The following RUNDC3B variants were observed in gnomAD, a reference collection of about 807,000 sequenced individuals.
RUNDC3B encodes the protein RUN domain-containing protein 3B.
RUNDC3B carries 33 observed loss-of-function variants against 58.4 expected under a neutral mutation model. That is an observed-to-expected ratio of 0.56 (90% CI 0.43 to 0.75). The LOEUF is 0.75. RUNDC3B is among the 30% of genes least tolerant of loss of function. The probability of loss-of-function intolerance (pLI) is 0.00; values close to 1 mark genes in which losing one functional copy is unlikely to be tolerated. For missense variants in RUNDC3B, 501 were observed against 535.7 expected, an observed-to-expected ratio of 0.94 and a Z score of 0.64; for synonymous variants, 193 against 195.2, an observed-to-expected ratio of 0.99 and a Z score of 0.10.
intron 4 of RUNDC3B, among the ~76,000 whole-genome samples, chr7:87,714,667 G>T (rs1830385517): frequency 6.6e-6 from 1 of 152,090 alleles, no homozygotes; most frequent in Non-Finnish European, 1.5e-5. Context: ...GGTTAGACGA[G>T]AAATTCTCAG....
At chr7:87,761,755 C>T (rs1833697200) in intron 6 of RUNDC3B, among the ~76,000 whole-genome samples, 1 of 151,778 alleles carries the variant, frequency 6.6e-6, no homozygotes, top group Non-Finnish European at 1.5e-5. Flanking sequence ...CAAAAGTACA[C>T]TTTGTGTTTT....
At chr7:87,713,090 G>T (rs1436422167) in intron 4 of RUNDC3B, 2 of 152,046 alleles carry the variant, frequency 1.3e-5, no homozygotes, top group African/African-American at 4.8e-5. Context: ...CAAACTTCTA[G>T]TCAAGACAAA....
intron 10 of RUNDC3B, among the ~76,000 whole-genome samples, chr7:87,829,644 T>G (rs746398294): frequency 6.6e-6 from 1 of 152,056 alleles, no homozygotes; most frequent in Non-Finnish European, 1.5e-5. Flanking sequence ...TTAAGATTGC[T>G]TTGGTATTTG....
chr7:87,699,395 T>C (rs2130686552), intron 2 of RUNDC3B, among the ~76,000 whole-genome samples: 1 of 152,168 alleles, frequency 6.6e-6, no homozygotes, highest in African/African-American at 2.4e-5. Context: ...AGACTAATAT[T>C]CAGAGTCCTG....
chr7:87,782,693 T>A (rs1457104904), intron 8 of RUNDC3B, among the ~76,000 whole-genome samples: 1 of 152,182 alleles, frequency 6.6e-6, no homozygotes, highest in African/African-American at 2.4e-5. Flanking sequence ...AAAGAATTTT[T>A]AAATTTCTGT....
intron 3 of RUNDC3B, among the ~76,000 whole-genome samples, chr7:87,703,571 T>C (rs946258719): frequency 6.6e-6 from 1 of 152,200 alleles, no homozygotes; most frequent in Non-Finnish European, 1.5e-5. Context: ...CCTGCTTCAA[T>C]ATCTTTCAAC....
intron 6 of RUNDC3B, among the ~76,000 whole-genome samples, chr7:87,757,857 C>A (rs1001230057): frequency 2.0e-5 from 3 of 152,084 alleles, no homozygotes; most frequent in African/African-American, 7.2e-5. Flanking sequence ...ATCCATGCAT[C>A]TATAGTAAAC....
chr7:87,742,800 G>A (rs770245895), intron 6 of RUNDC3B, among the ~76,000 whole-genome samples: 21 of 152,136 alleles, frequency 1.4e-4, no homozygotes, highest in Middle Eastern at 3.4e-3. Context: ...CATCCCCAGG[G>A]TGGAATATAA....
intron 3 of RUNDC3B, chr7:87,709,554 T>A (rs982660055): frequency 6.2e-5 from 61 of 980,868 alleles, no homozygotes; most frequent in Non-Finnish European, 7.1e-5. Flanking sequence ...TCATTCATTT[T>A]CTTCCCAGTA....
intron 4 of RUNDC3B, among the ~76,000 whole-genome samples, chr7:87,728,612 T>C (rs1298641822): frequency 1.3e-5 from 2 of 152,208 alleles, no homozygotes; most frequent in Non-Finnish European, 2.9e-5. Flanking sequence ...TCTCTGAGGC[T>C]GATCCTCTCA....
intron 8 of RUNDC3B, among the ~76,000 whole-genome samples, chr7:87,782,601 C>T (rs1834992179): frequency 6.6e-6 from 1 of 152,032 alleles, no homozygotes; most frequent in Non-Finnish European, 1.5e-5. Context: ...TTGATGTAAA[C>T]ATTTAGTGAT....
At chr7:87,770,777 A>T (rs1361587766) in intron 7 of RUNDC3B, 28 bp downstream of exon 7, 1 of 1,525,546 alleles carries the variant, frequency 6.6e-7, no homozygotes, top group Non-Finnish European at 9.0e-7. Flanking sequence ...AAACGTACTT[A>T]ATTTTATTCT....
intron 6 of RUNDC3B, among the ~76,000 whole-genome samples, chr7:87,760,661 G>A (rs1477277553): frequency 6.6e-6 from 1 of 151,920 alleles, no homozygotes; most frequent in Non-Finnish European, 1.5e-5. Flanking sequence ...TTAAAATTCT[G>A]GAAATAAACC....
At chr7:87,783,324 C>T (rs1835039839) in intron 8 of RUNDC3B, among the ~76,000 whole-genome samples, 1 of 151,936 alleles carries the variant, frequency 6.6e-6, no homozygotes, top group Non-Finnish European at 1.5e-5. Context: ...GAATAGGACC[C>T]CCTGCTCTTT....
chr7:87,742,619 G>GATAGATAT (rs1031027066), intron 6 of RUNDC3B, among the ~76,000 whole-genome samples: 5 of 149,392 alleles, frequency 3.3e-5, no homozygotes, highest in Non-Finnish European at 7.4e-5. Flanking sequence ...TAGATAGATA[G>GATAGATAT]ATATCATGGT....
chr7:87,717,717 G>T (rs1446404640), intron 4 of RUNDC3B, among the ~76,000 whole-genome samples: 1 of 151,976 alleles, frequency 6.6e-6, no homozygotes, highest in African/African-American at 2.4e-5. Context: ...CAATCATTAA[G>T]CCCAGATGAT....
chr7:87,700,678 C>A, intron 3 of RUNDC3B, 124 bp downstream of exon 3: 1 of 842,386 alleles, frequency 1.2e-6, no homozygotes, highest in Non-Finnish European at 1.8e-6. Context: ...AAAATACGTC[C>A]TGTTCTGTGA....
intron 2 of RUNDC3B, among the ~76,000 whole-genome samples, chr7:87,675,640 GA>G (rs1372005827): frequency 1.9e-5 from 1 of 51,998 alleles, no homozygotes; most frequent in Non-Finnish European, 3.5e-5. Context: ...TCAGAAAACT[GA>G]ATATTCACAT....
At chr7:87,637,067 T>A (rs946009600) in intron 1 of RUNDC3B, among the ~76,000 whole-genome samples, 1 of 152,174 alleles carries the variant, frequency 6.6e-6, no homozygotes, top group Non-Finnish European at 1.5e-5. Context: ...GAGACTAGCA[T>A]GGGGGAAAAC....
Sources: allele counts gnomAD v4.1 joint callset (sites outside exome capture counted in the v4.1 genomes callset), GRCh38; gene constraint gnomAD v4.1.1; transcripts MANE v1.5; gene names NCBI Gene and HGNC (gene_info 2026-07-23, HGNC 2026-07-21).